USPL1: variants seen among roughly 807,000 people sequenced by gnomAD.
USPL1 encodes SUMO-specific isopeptidase USPL1.
In USPL1, 27 loss-of-function variants were observed where a neutral mutation model predicts 51.5. The ratio of observed to expected loss-of-function variants is 0.52; its 90% CI spans 0.39 to 0.72. The LOEUF is 0.72. USPL1 is among the 30% of genes least tolerant of loss of function. The pLI is 0.00. For missense variants in USPL1, 1,226 were observed against 1,268.0 expected, an observed-to-expected ratio of 0.97 and a Z score of 0.50; for synonymous variants, 451 against 459.6, an observed-to-expected ratio of 0.98 and a Z score of 0.24.
At chr13:30,639,080 G>A (rs187070352) in intron 5 of USPL1, among the ~76,000 whole-genome samples, 29 of 151,770 alleles carry the variant, frequency 1.9e-4, no homozygotes, top group African/African-American at 6.5e-4. Context: ...GCCGGGCGTG[G>A]TAGTGTGTGC....
Position 30,658,357 on chromosome 13 carries a change from T to TAAAGGCTTA in USPL1, c.2282_2290dup (p.Lys761_Leu763dup), listed in dbSNP as rs1951198637. On this transcript the variant is annotated inframe_insertion, in exon 9 of 9. Transcript: ENST00000255304. ...AGAAGCCATTTGTGGGAAGTTGGGT[T>TAAAGGCTTA]AAAGGCTTAATAAGCAGGGGTGCTT... The TAAAGGCTTA allele has an allele frequency of 6.2e-7, 1 of 1,613,844 alleles. No individual in the cohort carries two copies.
intron 1 of USPL1, among the ~76,000 whole-genome samples, chr13:30,620,235 T>C (rs575487428): frequency 2.4e-4 from 36 of 152,300 alleles, no homozygotes; most frequent in African/African-American, 8.4e-4. Flanking sequence ...CATGGATTCT[T>C]GGATTTGGGA....
chr13:30,635,835 T>A (rs1204762611), intron 4 of USPL1, among the ~76,000 whole-genome samples: 1 of 152,174 alleles, frequency 6.6e-6, no homozygotes, highest in Non-Finnish European at 1.5e-5. Flanking sequence ...ATATATCTTT[T>A]GAATTAATTA....
chr13:30,647,971 T>C (rs755690911), intron 7 of USPL1, among the ~76,000 whole-genome samples: 5 of 152,220 alleles, frequency 3.3e-5, no homozygotes, highest in Non-Finnish European at 5.9e-5. Flanking sequence ...ACTTTTCAAA[T>C]TGATGTGCCT....
At chr13:30,644,591 A>T (rs1369934945) in intron 6 of USPL1, among the ~76,000 whole-genome samples, 2 of 152,048 alleles carry the variant, frequency 1.3e-5, no homozygotes, top group African/African-American at 4.8e-5. Flanking sequence ...TGGTCCCTTT[A>T]TGCATCCTGA....
intron 5 of USPL1, among the ~76,000 whole-genome samples, chr13:30,641,672 C>T (rs1475968757): frequency 6.6e-6 from 1 of 151,532 alleles, no homozygotes; most frequent in Non-Finnish European, 1.5e-5. Context: ...TCAATGACAA[C>T]AAGATTCAAA....
At chr13:30,636,865 T>C (rs1019827179) in intron 4 of USPL1, among the ~76,000 whole-genome samples, 1 of 152,212 alleles carries the variant, frequency 6.6e-6, no homozygotes, top group African/African-American at 2.4e-5. Context: ...CAAGACCCTG[T>C]CTCCAAACAC....
rs114606669 is a variant in USPL1, at chr13:30,624,249, G to C, written c.228+2357G>C. Reference sequence around the variant, plus strand: ...AGCCCCCACACATCTGGTCACAAAAGTGTGCTGGGAGGATAGAATATGTGA... The same window carrying C: ...AGCCCCCACACATCTGGTCACAAAACTGTGCTGGGAGGATAGAATATGTGA... On this transcript the variant is annotated intron_variant, in intron 3 of 8. Coordinates refer to ENST00000255304, the MANE Select transcript of USPL1 (RefSeq NM_005800.5). Among the ~76,000 whole-genome samples the C allele has an allele frequency of 4.5e-3, 684 of 152,260 alleles. 5 individuals carry two copies. Among genetic ancestry groups the C allele is most frequent in the African/African-American group, 0.014 (589 of 41,538 alleles).
chr13:30,630,711 A>G, intron 3 of USPL1, 124 bp from the exon 4 acceptor site: 2 of 1,106,466 alleles, frequency 1.8e-6, no homozygotes, highest in Non-Finnish European at 2.5e-6. Context: ...ATTTATGTGT[A>G]TAAATATAAC....
chr13:30,638,401 G>T (rs1228648893), intron 5 of USPL1, among the ~76,000 whole-genome samples: 1 of 152,100 alleles, frequency 6.6e-6, no homozygotes, highest in Non-Finnish European at 1.5e-5. Flanking sequence ...TTGGCCAGTG[G>T]ATATTAAGAG....
chr13:30,658,383 C>A lies in USPL1; in HGVS notation c.2306C>A (p.Ser769Tyr), dbSNP rs1357326002. ...AAAGGCTTAATAAGCAGGGGTGCTT[C>A]TTTTATGCCACTCTGTGTTTCAGCT... ...WVKGLISRGASFMPLCVSAHN... is the reference protein window; with the variant it reads ...WVKGLISRGAYFMPLCVSAHN... The change falls in exon 9 of 9, where the codon TCT becomes TAT. Residue 769 changes from serine (S) to tyrosine (Y), a missense_variant. Physicochemically the swap from Ser to Tyr is moderately radical, Grantham distance 144 (BLOSUM62 -2). Coordinates refer to ENST00000255304, the MANE Select transcript of USPL1 (RefSeq NM_005800.5). The A allele has an allele frequency of 6.2e-7, 1 of 1,613,628 alleles. No individual in the cohort carries two copies. The highest frequency in any genetic ancestry group is 1.3e-5 in the African/African-American group (1 of 75,048).
intron 3 of USPL1, among the ~76,000 whole-genome samples, chr13:30,625,444 G>GTTTTTTTTTTTTTTTTTTT (rs926283215): frequency 2.5e-5 from 3 of 118,956 alleles, no homozygotes; most frequent in South Asian, 2.7e-4. Flanking sequence ...TTTGTTTTTT[G>GTTTTTTTTTTTTTTTTTTT]TTTTTTTTTT....
chr13:30,631,507 T>C lies in USPL1; in HGVS notation c.868+33T>C, dbSNP rs746012291. ...CTAATATTTTATTTTTATTTACTTA[T>C]TTATTCATCTGGAGTCAGGGTCTCA... On this transcript the variant is annotated intron_variant, in intron 4 of 8. Transcript: ENST00000255304. 6 of 1,546,604 alleles carry C rather than the reference T, an allele frequency of 3.9e-6. No homozygotes were observed. The South Asian group carries it at 4.9e-5, about 13-fold the overall frequency.
intron 8 of USPL1, among the ~76,000 whole-genome samples, chr13:30,655,616 T>C (rs1951152076): frequency 6.6e-6 from 1 of 152,140 alleles, no homozygotes; most frequent in Non-Finnish European, 1.5e-5. Context: ...AAAGGATAGA[T>C]GTACTTGTAT....
At chr13:30,647,175 T>C in intron 7 of USPL1, 118 bp downstream of exon 7, 1 of 1,197,376 alleles carries the variant, frequency 8.4e-7, no homozygotes, top group Non-Finnish European at 1.2e-6. Flanking sequence ...TGAGTTAACA[T>C]ATATTTCTGG....
In USPL1 at chr13:30,657,631, T is replaced by C; in HGVS notation, c.1554T>C (p.Asn518=). 1.2e-6 allele frequency: 2 copies of C among 1,614,196 alleles called. No individual in the cohort carries two copies. Among genetic ancestry groups the C allele is most frequent in the Non-Finnish European group, 1.7e-6 (2 of 1,180,028 alleles). The change falls in exon 9 of 9, where the codon AAT becomes AAC. Residue 518 remains asparagine, a synonymous_variant. Coordinates refer to ENST00000255304, the MANE Select transcript of USPL1 (RefSeq NM_005800.5). ...CCTGCCTTCCACTTAAAAAGACTAA[T>C]GACCAACACGCTCTCAGTAATGAGA... The part of the protein sequence containing the change: ...EAACLPLKKT[N]DQHALSNEKP...
intron 8 of USPL1, among the ~76,000 whole-genome samples, chr13:30,653,744 A>G (rs946614313): frequency 3.3e-5 from 5 of 152,188 alleles, no homozygotes; most frequent in African/African-American, 1.2e-4. Context: ...AAATAATTAA[A>G]CTTCTTAGTG....
intron 4 of USPL1, among the ~76,000 whole-genome samples, chr13:30,634,568 A>G (rs1950850138): frequency 6.6e-6 from 1 of 152,142 alleles, no homozygotes; most frequent in East Asian, 1.9e-4. Flanking sequence ...TCATTGCTAC[A>G]TAATACTTCC....
At chr13:30,619,270 C>A (rs1950616193) in intron 1 of USPL1, among the ~76,000 whole-genome samples, 1 of 151,950 alleles carries the variant, frequency 6.6e-6, no homozygotes, top group Admixed American at 6.6e-5. Context: ...TTTTTATGTC[C>A]CTCATATGGA....
Sources: gnomAD v4.1 joint callset for allele counts (sites outside exome capture counted in the v4.1 genomes callset) on GRCh38, gnomAD v4.1.1 for gene constraint, MANE v1.5 for transcripts, NCBI Gene and HGNC (gene_info 2026-07-23, HGNC 2026-07-21) for gene names.